Variants in GRM8 observed in about 807,000 individuals in gnomAD.
GRM8 encodes glutamate metabotropic receptor 8.
A neutral mutation model predicts 87.2 loss-of-function variants in GRM8; 47 were observed. The ratio of observed to expected loss-of-function variants is 0.54; its 90% CI spans 0.43 to 0.69. GRM8 has a LOEUF of 0.69. Among genes scored for constraint, GRM8 ranks in the 30% least tolerant of loss-of-function variants. GRM8 has a pLI of 0.00. For synonymous variants in GRM8, 396 were observed against 404.5 expected (o/e 0.98, Z 0.25); for missense variants, 1,019 against 1,139.2 (o/e 0.89, Z 1.52).
At chr7:126,622,413 C>T (rs1186425810) in intron 7 of GRM8, among the ~76,000 whole-genome samples, 1 of 152,128 alleles carries the variant, frequency 6.6e-6, no homozygotes, top group East Asian at 1.9e-4. Context: ...CAACACCTTC[C>T]TTCCCCTGTC....
At chr7:127,090,596 G>A (rs1195317616) in intron 3 of GRM8, among the ~76,000 whole-genome samples, 1 of 152,198 alleles carries the variant, frequency 6.6e-6, no homozygotes, top group East Asian at 1.9e-4. Context: ...TTCAAGTTTA[G>A]CAACCTGGGT....
At chr7:126,823,685 CT>C (rs1175195183) in intron 6 of GRM8, among the ~76,000 whole-genome samples, 2 of 152,140 alleles carry the variant, frequency 1.3e-5, no homozygotes, top group African/African-American at 4.8e-5. Flanking sequence ...ATTATGCATT[CT>C]TTTTTTCATT....
chr7:126,678,699 C>T (rs2151325966), intron 7 of GRM8, among the ~76,000 whole-genome samples: 1 of 152,320 alleles, frequency 6.6e-6, no homozygotes, highest in South Asian at 2.1e-4. Flanking sequence ...CTTCAGTGTG[C>T]TTGCCACTTC....
intron 6 of GRM8, among the ~76,000 whole-genome samples, chr7:126,806,476 T>C (rs955521604): frequency 1.3e-5 from 2 of 152,264 alleles, no homozygotes; most frequent in East Asian, 1.9e-4. Context: ...GCAGCTGGCC[T>C]GCTTTTATTC....
At chr7:126,512,540 C>A in intron 9 of GRM8, 1 of 152,342 alleles carries the variant, frequency 6.6e-6, no homozygotes, top group Non-Finnish European at 1.5e-5. Flanking sequence ...CCAGTATGTG[C>A]TCCAAATCCT....
intron 6 of GRM8, among the ~76,000 whole-genome samples, chr7:126,824,026 T>C (rs1238142399): frequency 6.6e-6 from 1 of 152,206 alleles, no homozygotes; most frequent in African/African-American, 2.4e-5. Flanking sequence ...TGTATTTGCA[T>C]AAAAATAACA....
chr7:126,505,989 C>T (rs1426534842), intron 9 of GRM8, among the ~76,000 whole-genome samples: 1 of 151,922 alleles, frequency 6.6e-6, no homozygotes, highest in Admixed American at 6.6e-5. Flanking sequence ...CCTGTCTCCC[C>T]ATTCCTCTCC....
chr7:127,112,726 G>A (rs935351034), intron 2 of GRM8, among the ~76,000 whole-genome samples: 3 of 152,132 alleles, frequency 2.0e-5, no homozygotes, highest in South Asian at 2.1e-4. Flanking sequence ...TCAAATCACC[G>A]AAGTGCCGCT....
chr7:126,721,443 C>T (rs1190853127), intron 7 of GRM8, among the ~76,000 whole-genome samples: 1 of 152,102 alleles, frequency 6.6e-6, no homozygotes, highest in Non-Finnish European at 1.5e-5. Flanking sequence ...GAAATGCATG[C>T]TTCCATGACC....
At position 126,496,705 on chromosome 7, in the gene GRM8, G is replaced by A. The variant is rs571086252; in HGVS notation, c.2430+36247C>T. 7.2e-5 allele frequency among the ~76,000 whole-genome samples: 11 copies of A among 152,020 alleles called. No individual in the cohort carries two copies. The South Asian group carries it at 1.4e-3, about 20-fold the overall frequency. On this transcript the variant is annotated intron_variant, in intron 9 of 10. Coordinates refer to ENST00000339582, the MANE Select transcript of GRM8 (RefSeq NM_000845.3). ...AACTATGATTATCACTCAATAACTCGGTGGCTTTGGACAAGTTCTTCCCTG... is the reference window on the plus strand; with the variant it reads ...AACTATGATTATCACTCAATAACTCAGTGGCTTTGGACAAGTTCTTCCCTG...
At chr7:126,892,021 T>TGAA (rs762115891) in intron 6 of GRM8, among the ~76,000 whole-genome samples, 1 of 95,072 alleles carries the variant, frequency 1.1e-5, no homozygotes, top group Non-Finnish European at 2.0e-5. Context: ...TCTTGCAGGG[T>TGAA]AAAAAAAAAA....
At chr7:126,453,734 AAC>A (rs993818996) in intron 9 of GRM8, among the ~76,000 whole-genome samples, 15 of 151,994 alleles carry the variant, frequency 9.9e-5, no homozygotes, top group Admixed American at 6.6e-4. Context: ...AAAATTTAAA[AAC>A]AGAGTAAATT....
intron 3 of GRM8, among the ~76,000 whole-genome samples, chr7:127,028,216 G>A (rs560910246): frequency 1.3e-5 from 2 of 152,314 alleles, no homozygotes; most frequent in South Asian, 4.1e-4. Context: ...TCTTTGATGT[G>A]CTGCTGGATT....
chr7:127,225,947 TA>T (rs1797293203), intron 2 of GRM8, among the ~76,000 whole-genome samples: 1 of 152,088 alleles, frequency 6.6e-6, no homozygotes, highest in South Asian at 2.1e-4. Flanking sequence ...GTTTACACTT[TA>T]AAAAATACAT....
chr7:126,685,206 A>AC lies in GRM8; in HGVS notation c.1358-75709dup, dbSNP rs1563090168. Among the ~76,000 whole-genome samples the AC allele has an allele frequency of 6.6e-6, 1 of 151,764 alleles. No individual in the cohort carries two copies. The highest frequency in any genetic ancestry group is 1.5e-5 in the Non-Finnish European group (1 of 67,930). On this transcript the variant is annotated intron_variant, in intron 7 of 10. Coordinates refer to ENST00000339582, the MANE Select transcript of GRM8 (RefSeq NM_000845.3). The surrounding 1 kb of genome is among the most constrained non-coding windows in gnomAD (Gnocchi z 4.2). ...AGTCCCTAGAGACTTCCCCTGGGGG[A>AC]CCCCCTGGAGCCTACCACCCTGGGG...
intron 7 of GRM8, among the ~76,000 whole-genome samples, chr7:126,712,359 AG>A (rs1248852315): frequency 1.3e-5 from 2 of 152,226 alleles, no homozygotes; most frequent in African/African-American, 4.8e-5. Context: ...ATAATATCAA[AG>A]ATCACTGATC....
At chr7:126,765,558 T>A (rs931514696) in intron 7 of GRM8, among the ~76,000 whole-genome samples, 2 of 152,052 alleles carry the variant, frequency 1.3e-5, no homozygotes, top group African/African-American at 4.8e-5. Context: ...AAGGTTCTCA[T>A]AGCAACAGAA....
chr7:127,058,467 A>C (rs531511392), intron 3 of GRM8, among the ~76,000 whole-genome samples: 4 of 152,338 alleles, frequency 2.6e-5, no homozygotes, highest in African/African-American at 9.6e-5. Context: ...CATTTTAAAG[A>C]TAAACATTTA....
intron 8 of GRM8, among the ~76,000 whole-genome samples, chr7:126,598,524 C>G (rs957415156): frequency 5.3e-5 from 8 of 152,108 alleles, no homozygotes; most frequent in African/African-American, 1.7e-4. Context: ...ACCCTTTATT[C>G]CTTCTTCCTA....
Sources: gnomAD v4.1 joint callset for allele counts (sites outside exome capture counted in the v4.1 genomes callset) on GRCh38, gnomAD v4.1.1 for gene constraint, Gnocchi (gnomAD v3.1) non-coding constraint, MANE v1.5 for transcripts, NCBI Gene and HGNC (gene_info 2026-07-23, HGNC 2026-07-21) for gene names.